Variants in ZNF544 observed in about 807,000 individuals in gnomAD.
ZNF544 encodes the protein zinc finger protein 544.
A neutral mutation model predicts 13.5 loss-of-function variants in ZNF544; 10 were observed. The ratio of observed to expected loss-of-function variants is 0.74; its 90% CI spans 0.46 to 1.25. The LOEUF (loss-of-function observed/expected upper bound fraction) is 1.25. Ranked by LOEUF, ZNF544 falls within the 50% of genes most tolerant of loss-of-function variation. ZNF544 has a pLI of 0.00. For missense variants in ZNF544, 896 were observed against 845.6 expected, an observed-to-expected ratio of 1.06 and a Z score of -0.74; for synonymous variants, 323 against 300.5, an observed-to-expected ratio of 1.07 and a Z score of -0.77.
chr19:58,247,943 C>A (rs984021390), intron 6 of ZNF544, among the ~76,000 whole-genome samples: 1 of 151,362 alleles, frequency 6.6e-6, no homozygotes, highest in African/African-American at 2.4e-5. Context: ...CAGACAGAGT[C>A]TCACTCTGTC....
At chr19:58,246,200 T>C in intron 4 of ZNF544, 101 bp from the exon 5 acceptor site, 14 of 1,526,722 alleles carry the variant, frequency 9.2e-6, no homozygotes, top group Admixed American at 1.7e-5. Context: ...TTCCAATGTA[T>C]GAATTTTACG....
At chr19:58,241,144 A>AATATATATATATATTTAAATAT (rs2043562818) in intron 3 of ZNF544, among the ~76,000 whole-genome samples, 1 of 73,750 alleles carries the variant, frequency 1.4e-5, no homozygotes, top group East Asian at 4.0e-4. Context: ...GCCAATTTAA[A>AATATATATATATATTTAAATAT]ATATATATAT....
rs2049302258 is a variant in ZNF544 at position 58,262,923 on chromosome 19, A to T, written c.*169A>T. 2.1e-6 allele frequency: 3 copies of T among 1,446,010 alleles called. No individual in the cohort carries two copies. Among genetic ancestry groups the T allele is most frequent in the Non-Finnish European group, 2.7e-6 (3 of 1,106,074 alleles). The allele number at this position is 1,446,010 out of a possible 1,614,324, so 89.6% of individuals were successfully genotyped here. ...GGAGAAAAGCCCTACGAATGCATTG[A>T]TTGTGGGAAAGCCTTCAATGATCGC... On this transcript the variant is annotated 3_prime_UTR_variant, in exon 7 of 7. Coordinates refer to ENST00000687789, the MANE Select transcript of ZNF544 (RefSeq NM_014480.4).
rs531575204 is a variant in ZNF544, at chr19:58,276,041, G to C, written c.245-282G>C. ...TCTCTACAAAAATTGGCCCAGTGTG[G>C]TGGCTCTCACCTGTGCTCCCAGCTA... On this transcript the variant is annotated intron_variant, in intron 5 of 6. Transcript: ENST00000595981. 6.4e-4 allele frequency among the ~76,000 whole-genome samples: 97 copies of C among 152,190 alleles called. 2 individuals carry two copies. The highest frequency in any genetic ancestry group is 2.2e-3 in the African/African-American group (93 of 41,542).
At position 58,261,265 on chromosome 19, in the gene ZNF544, G is replaced by C; in HGVS notation, c.659G>C (p.Arg220Thr). The C allele has an allele frequency of 6.2e-7, 1 of 1,614,202 alleles. No individual in the cohort carries two copies. The highest frequency in any genetic ancestry group is 8.5e-7 in the Non-Finnish European group (1 of 1,180,036). The change falls in exon 7 of 7, where the codon AGA becomes ACA. Residue 220 changes from arginine to threonine, a missense_variant. Physicochemically the swap from Arg to Thr is moderately conservative, Grantham distance 71. Transcript: ENST00000687789. ...GKHCESHQCA[R>T]AFCQSIYLSK... ...CACTGTGAGAGTCATCAGTGTGCTAGAGCTTTCTGTCAGAGTATTTACTTG... is the reference window on the plus strand; with the variant it reads ...CACTGTGAGAGTCATCAGTGTGCTACAGCTTTCTGTCAGAGTATTTACTTG...
In ZNF544 at chr19:58,275,240, T is replaced by G. The variant is rs73939502; in HGVS notation, c.245-1083T>G. 5.4e-3 allele frequency among the ~76,000 whole-genome samples: 818 copies of G among 152,246 alleles called. 14 individuals carry two copies. Among genetic ancestry groups the G allele is most frequent in the African/African-American group, 0.018 (753 of 41,550 alleles). Reference sequence around the variant, plus strand: ...TTCCTTTCACTTTGCAATGAAAGCTTCTTGCCTTTCTGCTTACTCTGACTT... The same window carrying G: ...TTCCTTTCACTTTGCAATGAAAGCTGCTTGCCTTTCTGCTTACTCTGACTT... On this transcript the variant is annotated intron_variant, in intron 5 of 6. Coordinates refer to the ZNF544 transcript ENST00000595981.
At chr19:58,236,889 G>A (rs1256951536) in intron 3 of ZNF544, among the ~76,000 whole-genome samples, 4 of 151,344 alleles carry the variant, frequency 2.6e-5, no homozygotes, top group South Asian at 2.1e-4. Context: ...CTACAGGTGC[G>A]CGCCACCATG....
chr19:58,275,460 G>C (rs1402877902), intron 5 of ZNF544, among the ~76,000 whole-genome samples: 1 of 151,426 alleles, frequency 6.6e-6, no homozygotes, highest in African/African-American at 2.4e-5. Flanking sequence ...CACACTTTAA[G>C]AACTACTGCA....
downstream of ZNF544, among the ~76,000 whole-genome samples, chr19:58,264,818 G>A (rs142202378): frequency 4.2e-3 from 646 of 152,218 alleles, 4 homozygotes; most frequent in Non-Finnish European, 6.6e-3. Flanking sequence ...ACCAGTCTGG[G>A]CAACATGTTG....
Position 58,262,359 on chromosome 19 carries a change from T to A in ZNF544, c.1753T>A (p.Phe585Ile). The A allele has an allele frequency of 6.2e-7, 1 of 1,614,086 alleles. No individual in the cohort carries two copies. Among genetic ancestry groups the A allele is most frequent in the African/African-American group, 1.3e-5 (1 of 75,040 alleles). ...PYDCTHCGKS[F>I]SQSYQLVAHK... ...CGATTGCACTCACTGTGGAAAGTCC[T>A]TCAGCCAAAGCTATCAGTTAGTTGC... Residue 585 changes from phenylalanine to isoleucine, a missense_variant, in exon 7 of 7, where the codon TTC becomes ATC. By Grantham distance (21) the Phe-to-Ile change is conservative. Transcript: ENST00000687789.
chr19:58,264,092 C>CAA (rs34001424), downstream of ZNF544: 2,117 of 134,960 alleles, frequency 0.016, 20 homozygotes, highest in Non-Finnish European at 0.019. Flanking sequence ...AAGACTGTCT[C>CAA]AAAAAAAAAA....
chr19:58,241,949 G>A (rs2043988948), intron 3 of ZNF544, among the ~76,000 whole-genome samples: 1 of 135,912 alleles, frequency 7.4e-6, no homozygotes, highest in Non-Finnish European at 1.6e-5. Flanking sequence ...CTCTCTTTGT[G>A]CTTGTTCTTG....
At chr19:58,232,445 G>A (rs544025972) in intron 3 of ZNF544, among the ~76,000 whole-genome samples, 4 of 147,380 alleles carry the variant, frequency 2.7e-5, no homozygotes, top group African/African-American at 7.5e-5. Context: ...TTGACCTCCC[G>A]GCTCAAGTGA....
Position 58,262,828 on chromosome 19 carries a change from G to T in ZNF544, c.*74G>T. Reference sequence around the variant, plus strand: ...ATGCACCAGAGGACGCATGTCGGTGGGAAGAGCTATCAGTGTGACGTGTAT... The same window carrying T: ...ATGCACCAGAGGACGCATGTCGGTGTGAAGAGCTATCAGTGTGACGTGTAT... On this transcript the variant is annotated 3_prime_UTR_variant, in exon 7 of 7. Transcript: ENST00000687789. The T allele has an allele frequency of 1.3e-6, 2 of 1,526,106 alleles. No individual in the cohort carries two copies. Among genetic ancestry groups the T allele is most frequent in the Admixed American group, 4.3e-5 (2 of 46,802 alleles). 94.5% of individuals were successfully genotyped at this position (1,526,106 alleles called of 1,614,324 possible).
In ZNF544 at chr19:58,261,624, T is replaced by C; in HGVS notation, c.1018T>C (p.Ser340Pro). 1 of 1,614,242 alleles carries C rather than the reference T, an allele frequency of 6.2e-7. No individual in the cohort carries two copies. Among genetic ancestry groups the C allele is most frequent in the South Asian group, 1.1e-5 (1 of 91,086 alleles). Reference protein sequence around the residue: ...ERCAAFPMASSFSDCNIIQTT... With the variant: ...ERCAAFPMASPFSDCNIIQTT... ...CTGTGCTGCCTTCCCCATGGCCTCA[T>C]CTTTTTCTGACTGTAACATCATTCA... The change falls in exon 7 of 7, where the codon TCT (serine) becomes CCT (proline). Residue 340 changes from serine (S) to proline (P), a missense_variant. Transcript: ENST00000687789.
At chr19:58,244,234 C>T (rs971608290) in intron 4 of ZNF544, among the ~76,000 whole-genome samples, 178 bp downstream of exon 4, 6 of 151,918 alleles carry the variant, frequency 3.9e-5, no homozygotes, top group Non-Finnish European at 8.8e-5. Context: ...CCAGCATGGA[C>T]GAGCCTAGAG....
chr19:58,239,021 C>T (rs1033056645), intron 3 of ZNF544, among the ~76,000 whole-genome samples: 1 of 152,094 alleles, frequency 6.6e-6, no homozygotes, highest in African/African-American at 2.4e-5. Context: ...TTAGTGTGTC[C>T]TGACTGGCCT....
At chr19:58,275,448 C>T (rs935180181) in intron 5 of ZNF544, among the ~76,000 whole-genome samples, 2 of 151,860 alleles carry the variant, frequency 1.3e-5, no homozygotes, top group Non-Finnish European at 2.9e-5. Flanking sequence ...GGCTCCCTGA[C>T]CCACACTTTA....
At chr19:58,259,793 A>G (rs1418120769) in intron 6 of ZNF544, 2 of 152,248 alleles carry the variant, frequency 1.3e-5, no homozygotes, top group Non-Finnish European at 2.9e-5. Context: ...AGGCACCTGT[A>G]ATCCCAGCTA....
Sources: allele counts gnomAD v4.1 joint callset (sites outside exome capture counted in the v4.1 genomes callset), GRCh38; gene constraint gnomAD v4.1.1; transcripts MANE v1.5; gene names NCBI Gene and HGNC (gene_info 2026-07-23, HGNC 2026-07-21).